The following CENPP variants were observed in gnomAD, a reference collection of about 807,000 sequenced individuals.
CENPP encodes centromere protein P.
Under a neutral mutation model 35.6 loss-of-function variants are expected in CENPP, and 24 were observed. The ratio of observed to expected loss-of-function variants is 0.67; its 90% CI spans 0.49 to 0.95. CENPP has a LOEUF of 0.95. CENPP is among the 40% of genes least tolerant of loss of function. CENPP has a pLI of 0.00. For missense variants in CENPP, 332 were observed against 345.3 expected (o/e 0.96, Z 0.31); for synonymous variants, 120 against 125.5 (o/e 0.96, Z 0.29).
At chr9:92,360,245 T>C (rs1401480968) in intron 4 of CENPP, among the ~76,000 whole-genome samples, 3 of 152,208 alleles carry the variant, frequency 2.0e-5, no homozygotes, top group Non-Finnish European at 4.4e-5. Flanking sequence ...GATTTGATAC[T>C]TTACCACTGC....
chr9:92,385,283 G>C (rs927728758), intron 5 of CENPP: 1 of 174,152 alleles, frequency 5.7e-6, no homozygotes, highest in African/African-American at 2.4e-5. Context: ...AAGTTTCTTG[G>C]ATTTATCCTC....
rs933675975 is a variant in CENPP, at chr9:92,405,214, A to G, written c.564+25355A>G. Among the ~76,000 whole-genome samples the G allele has an allele frequency of 4.6e-5, 7 of 152,122 alleles. No homozygotes were observed. The South Asian group carries it at 6.2e-4, about 13-fold the overall frequency. On this transcript the variant is annotated intron_variant, in intron 5 of 7. Transcript: ENST00000375587. The stretch of plus-strand genomic sequence containing the variant: ...TGCTGAATGAAGGAAACTTTATAAA[A>G]TTACTTTAATATTGAAATTGGCTTT...
At chr9:92,611,264 CCT>C (rs1564021151) in intron 5 of CENPP, 48 bp from the exon 6 acceptor site, 1 of 1,485,528 alleles carries the variant, frequency 6.7e-7, no homozygotes, top group Admixed American at 1.7e-5. Flanking sequence ...TCCCATGGCC[CCT>C]TTCTCCCCAC....
intron 4 of CENPP, among the ~76,000 whole-genome samples, chr9:92,348,555 G>C (rs1366738625): frequency 3.3e-5 from 5 of 151,920 alleles, no homozygotes; most frequent in African/African-American, 7.3e-5. Flanking sequence ...ACCACACCCG[G>C]CTAATTTTGT....
chr9:92,517,858 A>G, intron 5 of CENPP: 2 of 1,614,166 alleles, frequency 1.2e-6, no homozygotes, highest in East Asian at 2.2e-5. Flanking sequence ...CCCTTTACCA[A>G]ACAGTGTCCC....
chr9:92,432,811 A>G (rs1327105812), intron 5 of CENPP, among the ~76,000 whole-genome samples: 1 of 152,228 alleles, frequency 6.6e-6, no homozygotes, highest in Non-Finnish European at 1.5e-5. Flanking sequence ...AAGGGTGGAA[A>G]GATGCATTTT....
intron 5 of CENPP, chr9:92,390,133 A>G (rs1842612265): frequency 4.9e-6 from 4 of 816,918 alleles, no homozygotes; most frequent in African/African-American, 1.7e-5. Context: ...GCATTTGTTT[A>G]ACAGATCACT....
chr9:92,546,761 A>G (rs1023304473), intron 5 of CENPP, among the ~76,000 whole-genome samples: 1 of 152,248 alleles, frequency 6.6e-6, no homozygotes, highest in Non-Finnish European at 1.5e-5. Flanking sequence ...TTATGCTAGT[A>G]AATTGATATA....
At chr9:92,342,110 G>A (rs781609361) in intron 3 of CENPP, among the ~76,000 whole-genome samples, 2 of 152,246 alleles carry the variant, frequency 1.3e-5, no homozygotes, top group Non-Finnish European at 2.9e-5. Context: ...GATCACATTA[G>A]CATTTCAGGT....
intron 5 of CENPP, among the ~76,000 whole-genome samples, chr9:92,575,761 G>C (rs973687672): frequency 6.6e-6 from 1 of 151,880 alleles, no homozygotes; most frequent in Admixed American, 6.6e-5. Context: ...GCAGTGAGCC[G>C]AGATTGCACC....
Position 92,489,295 on chromosome 9 carries a change from T to C in CENPP, c.564+109436T>C, listed in dbSNP as rs956579788. On this transcript the variant is annotated intron_variant, in intron 5 of 7. Transcript: ENST00000375587. ...CTGATTCTGTTGGACTAGTTTCAAT[T>C]GAGCTGATGGTCGTAGGGCCAGAAA... Among the ~76,000 whole-genome samples the C allele has an allele frequency of 3.9e-5, 6 of 152,226 alleles. No homozygotes were observed. The South Asian group carries it at 1.2e-3, about 31-fold the overall frequency.
In CENPP at chr9:92,605,508, T is replaced by A. The variant is rs760231872; in HGVS notation, c.565-5806T>A. ...GAGTATCTTTCAAAACAGAAAATGT[T>A]ACTAAAATACAAATGAAACCAAGAT... On this transcript the variant is annotated intron_variant, in intron 5 of 7. Transcript: ENST00000375587. Among the ~76,000 whole-genome samples the A allele has an allele frequency of 3.3e-5, 5 of 152,122 alleles. No homozygotes were observed. The South Asian group carries it at 1.0e-3, about 32-fold the overall frequency.
At chr9:92,331,465 C>T (rs185973913) in intron 1 of CENPP, among the ~76,000 whole-genome samples, 77 of 152,374 alleles carry the variant, frequency 5.1e-4, no homozygotes, top group Admixed American at 1.1e-3. Flanking sequence ...CAGGCGTGAG[C>T]CACGGCGCCT....
intron 5 of CENPP, among the ~76,000 whole-genome samples, chr9:92,599,567 C>T (rs1390137085): frequency 6.6e-6 from 1 of 152,172 alleles, no homozygotes; most frequent in Non-Finnish European, 1.5e-5. Flanking sequence ...CAGGCTCCCA[C>T]CACCACGCCT....
At chr9:92,394,214 T>G (rs976069499) in intron 5 of CENPP, among the ~76,000 whole-genome samples, 4 of 152,118 alleles carry the variant, frequency 2.6e-5, no homozygotes, top group African/African-American at 9.7e-5. Flanking sequence ...TGAACTTGTT[T>G]TATATATTTT....
At chr9:92,530,385 G>T (rs1180245246) in intron 5 of CENPP, among the ~76,000 whole-genome samples, 2 of 152,030 alleles carry the variant, frequency 1.3e-5, no homozygotes, top group African/African-American at 4.8e-5. Flanking sequence ...CACTCAGTTT[G>T]CTCTGAATCT....
At chr9:92,451,122 T>C (rs1844696147) in intron 5 of CENPP, among the ~76,000 whole-genome samples, 1 of 149,398 alleles carries the variant, frequency 6.7e-6, no homozygotes, top group Non-Finnish European at 1.5e-5. Context: ...TTGTCAATTT[T>C]GTCTTTTGTT....
chr9:92,543,893 G>C (rs1440952000), intron 5 of CENPP, among the ~76,000 whole-genome samples: 3 of 152,078 alleles, frequency 2.0e-5, no homozygotes. Flanking sequence ...TTTGTATCTT[G>C]CAAACTTTAT....
At chr9:92,575,311 G>T (rs1046778559) in intron 5 of CENPP, among the ~76,000 whole-genome samples, 6 of 152,090 alleles carry the variant, frequency 3.9e-5, no homozygotes, top group African/African-American at 1.4e-4. Context: ...TATCTGATAA[G>T]GGATTATAAT....
Sources: allele counts gnomAD v4.1 joint callset (sites outside exome capture counted in the v4.1 genomes callset), GRCh38; gene constraint gnomAD v4.1.1; transcripts MANE v1.5; gene names NCBI Gene and HGNC (gene_info 2026-07-23, HGNC 2026-07-21).